PCBP3: variants seen among roughly 807,000 people sequenced by gnomAD.
PCBP3 encodes the protein poly(rC) binding protein 3.
PCBP3 carries 25 observed loss-of-function variants against 52.7 expected under a neutral mutation model. The observed-to-expected ratio is 0.47, with a 90% confidence interval of 0.35 to 0.66. PCBP3 has a LOEUF of 0.66. PCBP3 is among the 30% of genes least tolerant of loss of function. The pLI is 0.01. For synonymous variants in PCBP3, 162 were observed against 183.0 expected (o/e 0.89, Z 0.93); for missense variants, 391 against 490.3 (o/e 0.80, Z 1.91).
chr21:45,876,887 C>T (rs572599812), intron 5 of PCBP3, among the ~76,000 whole-genome samples: 6 of 152,348 alleles, frequency 3.9e-5, no homozygotes, highest in Admixed American at 2.0e-4. Context: ...CGACAGCGCT[C>T]GCTGCGGCTG....
At chr21:45,765,849 A>G (rs1309433227) in intron 4 of PCBP3, among the ~76,000 whole-genome samples, 2 of 152,228 alleles carry the variant, frequency 1.3e-5, no homozygotes, top group Non-Finnish European at 2.9e-5. Flanking sequence ...TGCTTCCTTC[A>G]TGTTCCTGAG....
At chr21:45,900,954 G>A (rs2096018899) in intron 8 of PCBP3, 43 bp from the exon 9 acceptor site, 1 of 1,447,280 alleles carries the variant, frequency 6.9e-7, no homozygotes, top group African/African-American at 1.4e-5. Context: ...ACTGGCCCAA[G>A]GGTTTTAATC....
chr21:45,896,499 G>T (rs2095830266), intron 6 of PCBP3, 137 bp downstream of exon 6: 1 of 836,734 alleles, frequency 1.2e-6, no homozygotes, highest in Non-Finnish European at 1.9e-6. Flanking sequence ...CCGGGCCATT[G>T]TCTCTGTAGG....
At chr21:45,828,461 C>T (rs966400382) in intron 4 of PCBP3, 71 of 152,160 alleles carry the variant, frequency 4.7e-4, no homozygotes, top group African/African-American at 1.7e-3. Flanking sequence ...GGGATCAGTT[C>T]GCAACAACTT....
At chr21:45,794,565 A>G (rs968477058) in intron 4 of PCBP3, among the ~76,000 whole-genome samples, 1 of 152,246 alleles carries the variant, frequency 6.6e-6, no homozygotes, top group Non-Finnish European at 1.5e-5. Context: ...TAGAAAATAT[A>G]TAAGGCAAGA....
chr21:45,876,267 G>A (rs754067102), intron 5 of PCBP3, among the ~76,000 whole-genome samples: 6 of 152,172 alleles, frequency 3.9e-5, no homozygotes, highest in Admixed American at 1.3e-4. Context: ...GAGATATTAC[G>A]AATCCCGAAA....
At chr21:45,813,248 T>A (rs530131053) in intron 4 of PCBP3, among the ~76,000 whole-genome samples, 1 of 152,208 alleles carries the variant, frequency 6.6e-6, no homozygotes, top group African/African-American at 2.4e-5. Context: ...TTGAATAGCG[T>A]CTGTTGATCT....
In PCBP3 at chr21:45,941,768, G is replaced by A. The variant is rs761618111; in HGVS notation, c.*62G>A. On this transcript the variant is annotated 3_prime_UTR_variant, in exon 18 of 18. Transcript: ENST00000681687. ...CCAGAGCCTAAGGCCCCCGGCTCTC[G>A]CACTCTGTACAGCCCACCTTCCCTG... The A allele has an allele frequency of 4.9e-5, 69 of 1,419,354 alleles. No homozygotes were observed. The highest frequency in any genetic ancestry group is 4.3e-4 in the Admixed American group (23 of 53,124). 87.9% of individuals were successfully genotyped at this position (1,419,354 alleles called of 1,614,324 possible).
chr21:45,870,643 C>T (rs551240127), intron 5 of PCBP3, among the ~76,000 whole-genome samples: 64 of 152,350 alleles, frequency 4.2e-4, no homozygotes, highest in Non-Finnish European at 8.5e-4. Context: ...CCGGGCTCTT[C>T]CTGTGCACAG....
At position 45,834,225 on chromosome 21, in the gene PCBP3, C is replaced by T. The variant is rs922780673; in HGVS notation, c.-125-15736C>T. Among the ~76,000 whole-genome samples, 7 of 152,214 alleles carry T rather than the reference C, an allele frequency of 4.6e-5. No individual in the cohort carries two copies. The South Asian group carries it at 1.0e-3, about 23-fold the overall frequency. ...CCAAGCAGGCCTCTCAGGAAGATGC[C>T]GCACAGTGCCTGGAGCCCGGCTGGC... On this transcript the variant is annotated intron_variant, in intron 4 of 17. Coordinates refer to ENST00000681687, the MANE Select transcript of PCBP3 (RefSeq NM_001384156.1).
chr21:45,865,532 C>T (rs150017993), intron 5 of PCBP3, among the ~76,000 whole-genome samples: 2 of 152,344 alleles, frequency 1.3e-5, no homozygotes, highest in African/African-American at 2.4e-5. Context: ...TCCGTGCCTC[C>T]CGCCCCATCC....
chr21:45,736,897 A>G lies in PCBP3; in HGVS notation c.-162+1468A>G, dbSNP rs1435867824. Among the ~76,000 whole-genome samples, 2 of 152,008 alleles carry G rather than the reference A, an allele frequency of 1.3e-5. No homozygotes were observed. The highest frequency in any genetic ancestry group is 2.4e-5 in the African/African-American group (1 of 41,368). Reference sequence around the variant, plus strand: ...GACAGTGGCTGTGGAGGAAACAGGGAAGGGCAGGGTGTGGGAGTCCTGGTG... The same window carrying G: ...GACAGTGGCTGTGGAGGAAACAGGGGAGGGCAGGGTGTGGGAGTCCTGGTG... On this transcript the variant is annotated intron_variant, in intron 3 of 17. Transcript: ENST00000681687. The surrounding 1 kb of genome is among the most constrained non-coding windows in gnomAD (Gnocchi z 4.6).
At chr21:45,849,354 C>T (rs1488707446) in intron 4 of PCBP3, among the ~76,000 whole-genome samples, 6 of 152,002 alleles carry the variant, frequency 3.9e-5, no homozygotes, top group East Asian at 1.9e-4. Flanking sequence ...TACAGGTGCC[C>T]GCCACCACCC....
chr21:45,800,176 AGGCACAGGCTGAGG>A lies in PCBP3; in HGVS notation c.-126+44728_-126+44741del, dbSNP rs2092237786. On this transcript the variant is annotated intron_variant, in intron 4 of 17. Coordinates refer to ENST00000681687, the MANE Select transcript of PCBP3 (RefSeq NM_001384156.1). The surrounding 1 kb of genome is among the most constrained non-coding windows in gnomAD (Gnocchi z 5.3). ...AATGGCTGCAGGTGGGGCCTTCCAG[AGGCACAGGCTGAGG>A]GGCCAGGCAGCAGTTCCTCTCTTGC... Among the ~76,000 whole-genome samples the A allele has an allele frequency of 1.3e-5, 2 of 151,946 alleles. No individual in the cohort carries two copies. The highest frequency in any genetic ancestry group is 1.3e-4 in the Admixed American group (2 of 15,282).
In PCBP3 at chr21:45,746,250, T is replaced by C. The variant is rs866962693; in HGVS notation, c.-161-9167T>C. 9.5e-4 allele frequency among the ~76,000 whole-genome samples: 50 copies of C among 52,820 alleles called. 1 individual carries two copies. The highest frequency in any genetic ancestry group is 5.8e-3 in the African/African-American group (48 of 8,308). 34.7% of individuals were successfully genotyped at this position (52,820 alleles called of 152,430 possible). A position where few individuals can be genotyped will look rare whatever the true frequency, so the allele number is the denominator to read the frequency against. ...TTGTCAGCATCGCCGTGTCAGTCCA[T>C]TGACGTAGCGCACACGGTGTTGTCA... On this transcript the variant is annotated intron_variant, in intron 3 of 17. Coordinates refer to ENST00000681687, the MANE Select transcript of PCBP3 (RefSeq NM_001384156.1).
chr21:45,728,793 T>G (rs1234511578), intron 2 of PCBP3: 4 of 152,200 alleles, frequency 2.6e-5, no homozygotes, highest in African/African-American at 4.8e-5. Flanking sequence ...GAGTTTTGAT[T>G]ATTTGATTCT....
intron 2 of PCBP3, among the ~76,000 whole-genome samples, chr21:45,721,002 A>T (rs1021693080): frequency 1.3e-5 from 2 of 152,208 alleles, no homozygotes; most frequent in Non-Finnish European, 2.9e-5. Context: ...GCTGCCCCAG[A>T]TGTTTGAAGG....
chr21:45,892,026 A>G lies in PCBP3; in HGVS notation c.11-4182A>G, dbSNP rs150284083. On this transcript the variant is annotated intron_variant, in intron 5 of 17. Coordinates refer to ENST00000681687, the MANE Select transcript of PCBP3 (RefSeq NM_001384156.1). ...AATCTAATGTAAGGGGGGTTTATTCAAAGGCAGCTGGAGGCTGGCCCACCC... is the reference window on the plus strand; with the variant it reads ...AATCTAATGTAAGGGGGGTTTATTCGAAGGCAGCTGGAGGCTGGCCCACCC... Among the ~76,000 whole-genome samples the G allele has an allele frequency of 2.6e-3, 403 of 152,288 alleles. 3 individuals carry two copies. The highest frequency in any genetic ancestry group is 8.9e-3 in the African/African-American group (369 of 41,576).
chr21:45,816,524 C>T (rs2092968523), intron 4 of PCBP3, among the ~76,000 whole-genome samples: 1 of 113,430 alleles, frequency 8.8e-6, no homozygotes, highest in African/African-American at 3.4e-5. Context: ...CCCCTCCCCT[C>T]CCCTCCCCTT....
Sources: gnomAD v4.1 joint callset for allele counts (sites outside exome capture counted in the v4.1 genomes callset) on GRCh38, gnomAD v4.1.1 for gene constraint, Gnocchi (gnomAD v3.1) non-coding constraint, MANE v1.5 for transcripts, NCBI Gene and HGNC (gene_info 2026-07-23, HGNC 2026-07-21) for gene names.